MAGI2: variants seen among roughly 807,000 people sequenced by gnomAD.
MAGI2 encodes membrane-associated guanylate kinase, WW and PDZ domain-containing protein 2.
Under a neutral mutation model 133.3 loss-of-function variants are expected in MAGI2, and 35 were observed. That is an observed-to-expected ratio of 0.26 (90% CI 0.20 to 0.35). MAGI2 has a LOEUF of 0.35. MAGI2 is among the 10% of genes least tolerant of loss of function. The pLI is 1.00. For missense variants in MAGI2, 1,636 were observed against 1,863.4 expected, an observed-to-expected ratio of 0.88 and a Z score of 2.25; for synonymous variants, 729 against 710.6, an observed-to-expected ratio of 1.03 and a Z score of -0.41.
chr7:78,340,390 G>A (rs1433732060), intron 9 of MAGI2, among the ~76,000 whole-genome samples: 3 of 152,138 alleles, frequency 2.0e-5, no homozygotes, highest in African/African-American at 2.4e-5. Flanking sequence ...AAGAGGAGAT[G>A]GTACCATTCC....
intron 6 of MAGI2, among the ~76,000 whole-genome samples, chr7:78,394,909 ATT>A (rs1485213640): frequency 3.3e-5 from 5 of 152,216 alleles, no homozygotes; most frequent in African/African-American, 1.2e-4. Context: ...ACTTTAGCTA[ATT>A]TTATTATTAA....
chr7:79,378,120 A>G (rs960711868), intron 1 of MAGI2, among the ~76,000 whole-genome samples: 1 of 151,844 alleles, frequency 6.6e-6, no homozygotes, highest in African/African-American at 2.4e-5. Flanking sequence ...GCCAGCTGTG[A>G]TGTAAATATG....
intron 1 of MAGI2, among the ~76,000 whole-genome samples, chr7:79,364,213 C>G (rs1310607428): frequency 2.0e-5 from 3 of 151,902 alleles, no homozygotes; most frequent in Non-Finnish European, 4.4e-5. Flanking sequence ...AGTAGAACAA[C>G]CATATGATCC....
At chr7:78,421,182 C>T (rs1798762611) in intron 6 of MAGI2, among the ~76,000 whole-genome samples, 3 of 152,042 alleles carry the variant, frequency 2.0e-5, no homozygotes, top group Admixed American at 2.0e-4. Context: ...CTAGAGAAAA[C>T]CCTAGGAACA....
chr7:79,267,975 G>T (rs745970131), intron 1 of MAGI2, among the ~76,000 whole-genome samples: 1 of 152,122 alleles, frequency 6.6e-6, no homozygotes, highest in East Asian at 1.9e-4. Context: ...AAAAGCCTAG[G>T]TGTGATGACA....
At chr7:79,314,803 C>T (rs1189570490) in intron 1 of MAGI2, among the ~76,000 whole-genome samples, 1 of 152,114 alleles carries the variant, frequency 6.6e-6, no homozygotes, top group Non-Finnish European at 1.5e-5. Flanking sequence ...GAAAATTTTG[C>T]TGTTCTCTTA....
At chr7:79,031,986 A>T (rs1363056462) in intron 1 of MAGI2, among the ~76,000 whole-genome samples, 2 of 152,214 alleles carry the variant, frequency 1.3e-5, no homozygotes, top group Non-Finnish European at 2.9e-5. Context: ...TATTATGCAA[A>T]CATATTATAT....
At position 78,745,358 on chromosome 7, in the gene MAGI2, G is replaced by A. The variant is rs575794095; in HGVS notation, c.419-118119C>T. On this transcript the variant is annotated intron_variant, in intron 2 of 21. Transcript: ENST00000354212. ...CCAGTGAAAAGATTCAATGAGAGGT[G>A]AGAGCAGAGGCCCAACTCCTGCTGG... is the stretch of plus-strand genomic sequence containing the variant. Among the ~76,000 whole-genome samples, 4 of 152,272 alleles carry A rather than the reference G, an allele frequency of 2.6e-5. 1 individual carries two copies. Among genetic ancestry groups the A allele is most frequent in the African/African-American group, 9.6e-5 (4 of 41,564 alleles).
chr7:79,130,073 C>T (rs1193239942), intron 1 of MAGI2, among the ~76,000 whole-genome samples: 3 of 150,070 alleles, frequency 2.0e-5, no homozygotes, highest in South Asian at 2.1e-4. Context: ...GGCCAAGATG[C>T]GAGGATCAGT....
chr7:78,872,342 A>G (rs978511503), intron 2 of MAGI2, among the ~76,000 whole-genome samples: 2 of 152,140 alleles, frequency 1.3e-5, no homozygotes, highest in Non-Finnish European at 2.9e-5. Flanking sequence ...AAAGTAGGGT[A>G]TATTTTAAGA....
chr7:78,241,359 A>C (rs1259298415), intron 10 of MAGI2, among the ~76,000 whole-genome samples: 1 of 152,134 alleles, frequency 6.6e-6, no homozygotes, highest in African/African-American at 2.4e-5. Context: ...TTTCATGCTA[A>C]GTGTTGTTTG....
chr7:78,755,760 G>A (rs2151288386), intron 2 of MAGI2, among the ~76,000 whole-genome samples: 1 of 152,290 alleles, frequency 6.6e-6, no homozygotes, highest in East Asian at 1.9e-4. Flanking sequence ...AAATTTGGAA[G>A]TATAGCTGCT....
chr7:79,289,126 T>C (rs539720838), intron 1 of MAGI2, among the ~76,000 whole-genome samples: 137 of 152,196 alleles, frequency 9.0e-4, no homozygotes, highest in Non-Finnish European at 1.7e-3. Context: ...TGTTCTCTGC[T>C]GGGCTAAGAG....
chr7:78,198,352 A>G (rs1436898461), intron 11 of MAGI2, among the ~76,000 whole-genome samples: 2 of 151,500 alleles, frequency 1.3e-5, no homozygotes, highest in African/African-American at 4.9e-5. Context: ...CTGAAATATC[A>G]GTGAGCAGCC....
At chr7:79,274,836 G>A (rs187193784) in intron 1 of MAGI2, among the ~76,000 whole-genome samples, 22 of 151,932 alleles carry the variant, frequency 1.4e-4, no homozygotes, top group South Asian at 4.1e-4. Context: ...AAACTTTTTT[G>A]TTATTATTAT....
At chr7:78,913,452 T>C (rs1320499772) in intron 2 of MAGI2, among the ~76,000 whole-genome samples, 1 of 152,132 alleles carries the variant, frequency 6.6e-6, no homozygotes, top group Non-Finnish European at 1.5e-5. Context: ...CCTCAGAAGC[T>C]GAGCAGAAAC....
chr7:78,668,053 T>C (rs1265804827), intron 2 of MAGI2, among the ~76,000 whole-genome samples: 1 of 152,138 alleles, frequency 6.6e-6, no homozygotes, highest in Non-Finnish European at 1.5e-5. Context: ...CTCCAGCACC[T>C]GTTGTTTCCT....
chr7:78,057,306 G>A (rs1170279688), intron 21 of MAGI2, among the ~76,000 whole-genome samples: 1 of 152,004 alleles, frequency 6.6e-6, no homozygotes, highest in Non-Finnish European at 1.5e-5. Context: ...GCAATAGTGC[G>A]ATCTCCACTC....
chr7:79,399,572 C>T (rs1845324795), intron 1 of MAGI2, among the ~76,000 whole-genome samples: 1 of 152,054 alleles, frequency 6.6e-6, no homozygotes, highest in Non-Finnish European at 1.5e-5. Flanking sequence ...AACCGAAAAG[C>T]TGTAGATACA....
Sources: gnomAD v4.1 joint callset for allele counts (sites outside exome capture counted in the v4.1 genomes callset) on GRCh38, gnomAD v4.1.1 for gene constraint, MANE v1.5 for transcripts, NCBI Gene and HGNC (gene_info 2026-07-23, HGNC 2026-07-21) for gene names.